The following CNTNAP1 variants were observed in gnomAD, a reference collection of about 807,000 sequenced individuals.
CNTNAP1 encodes contactin associated protein 1.
In CNTNAP1, 80 loss-of-function variants were observed where a neutral mutation model predicts 161.5. That is an observed-to-expected ratio of 0.50 (90% CI 0.41 to 0.60). CNTNAP1 has a LOEUF of 0.60. CNTNAP1 is among the 20% of genes least tolerant of loss of function. CNTNAP1 has a pLI of 0.00. For synonymous variants in CNTNAP1, 695 were observed against 733.1 expected (o/e 0.95, Z 0.84); for missense variants, 1,464 against 1,854.8 (o/e 0.79, Z 3.87).
In CNTNAP1 at chr17:42,687,528, C is replaced by A. The variant is rs1039834499; in HGVS notation, c.1045-192C>A. ...AGCAAGCGAGCAGAGTTCCGAGGGCCGACTGGGTTGGGGCCCCCTCCACAG... is the reference window on the plus strand; with the variant it reads ...AGCAAGCGAGCAGAGTTCCGAGGGCAGACTGGGTTGGGGCCCCCTCCACAG... On this transcript the variant is annotated intron_variant, in intron 7 of 23. Coordinates refer to ENST00000264638, the MANE Select transcript of CNTNAP1 (RefSeq NM_003632.3). This position sits in a 1 kb window ranked among gnomAD's most constrained non-coding sequence, Gnocchi z 4.7. 1 of 662,900 alleles carries A rather than the reference C, an allele frequency of 1.5e-6. No homozygotes were observed. Among genetic ancestry groups the A allele is most frequent in the African/African-American group, 1.8e-5 (1 of 54,920 alleles). 41.1% of individuals were successfully genotyped at this position (662,900 alleles called of 1,614,324 possible). A position where few individuals can be genotyped will look rare whatever the true frequency, so the allele number is the denominator to read the frequency against.
intron 20 of CNTNAP1, 28 bp downstream of exon 20, chr17:42,696,180 C>A: frequency 6.2e-7 from 1 of 1,613,468 alleles, no homozygotes; most frequent in South Asian, 1.1e-5. Flanking sequence ...TGAGCCAGTT[C>A]AGATCATAAC....
At chr17:42,688,823 G>T (rs1412792510) in intron 9 of CNTNAP1, 53 bp from the exon 10 acceptor site, 2 of 1,604,074 alleles carry the variant, frequency 1.2e-6, no homozygotes, top group African/African-American at 2.7e-5. Flanking sequence ...GTCCCTGGGG[G>T]AGGGTCTTTG....
chr17:42,691,753 C>T lies in CNTNAP1; in HGVS notation c.2345-53C>T. ...CTGCCCCCAACCCCAGGTTCTCTTC[C>T]TCCTCCACCCTCCAATCTCCCTGAC... On this transcript the variant is annotated intron_variant, in intron 15 of 23. Transcript: ENST00000264638. The surrounding 1 kb of genome is among the most constrained non-coding windows in gnomAD (Gnocchi z 4.3). 1.5e-5 allele frequency: 24 copies of T among 1,587,250 alleles called. No homozygotes were observed. Among genetic ancestry groups the T allele is most frequent in the Non-Finnish European group, 2.1e-5 (24 of 1,158,204 alleles).
At chr17:42,693,637 A>G in intron 18 of CNTNAP1, 101 bp downstream of exon 18, 1 of 1,509,956 alleles carries the variant, frequency 6.6e-7, no homozygotes, top group Non-Finnish European at 9.0e-7. Context: ...ATCATGGAAA[A>G]TTAGAGTTGT....
rs982549877 is a variant in CNTNAP1, at chr17:42,688,574, G to A, written c.1419G>A (p.Pro473=). The A allele has an allele frequency of 1.2e-5, 20 of 1,614,052 alleles. No individual in the cohort carries two copies. Among genetic ancestry groups the A allele is most frequent in the Admixed American group, 3.3e-5 (2 of 59,996 alleles). ...VEGAEVRVSY[P]LLIRTGTSYF... is the part of the protein sequence containing the mutation. ...GGGCAGAGGTCAGGGTCTCATACCC[G>A]TTGCTGATCCGGACAGGGACCTCAT... Residue 473 remains proline (P), a synonymous_variant, in exon 9 of 24, where the codon CCG becomes CCA. Coordinates refer to ENST00000264638, the MANE Select transcript of CNTNAP1 (RefSeq NM_003632.3).
rs574007745 is a variant in CNTNAP1 at position 42,693,461 on chromosome 17, C to T, written c.2917C>T (p.Arg973Cys). 1.9e-5 allele frequency: 31 copies of T among 1,614,084 alleles called. No individual in the cohort carries two copies. Among genetic ancestry groups the T allele is most frequent in the Non-Finnish European group, 2.5e-5 (30 of 1,180,052 alleles). Residue 973 changes from arginine (R) to cysteine (C), a missense_variant, in exon 18 of 24, where the codon CGC becomes TGC. Around this residue, in one of 3 missense-constraint regions of CNTNAP1, gnomAD observed 1,383 missense variants for 1,765.0 expected, o/e 0.78. Transcript: ENST00000264638. Reference protein sequence around the residue: ...HPRLPCFHGGRCVERYSYYTC... With the variant: ...HPRLPCFHGGCCVERYSYYTC... ...TCGGCTCCCCTGTTTCCATGGAGGCCGCTGCGTGGAGCGCTATAGCTACTA... is the reference window on the plus strand; with the variant it reads ...TCGGCTCCCCTGTTTCCATGGAGGCTGCTGCGTGGAGCGCTATAGCTACTA...
Sources: gnomAD v4.1 joint callset for allele counts on GRCh38, gnomAD v4.1.1 for gene constraint, gnomAD v4.1.1 regional missense constraint, Gnocchi (gnomAD v3.1) non-coding constraint, MANE v1.5 for transcripts, NCBI Gene and HGNC (gene_info 2026-07-23, HGNC 2026-07-21) for gene names.